DOK6: variants seen among roughly 807,000 people sequenced by gnomAD.
The protein encoded by DOK6 is docking protein 6.
DOK6 carries 22 observed loss-of-function variants against 44.0 expected under a neutral mutation model. The ratio of observed to expected loss-of-function variants is 0.50; its 90% CI spans 0.36 to 0.71. The LOEUF is 0.71. DOK6 is among the 30% of genes least tolerant of loss of function. DOK6 has a pLI of 0.00. For missense variants in DOK6, 340 were observed against 416.4 expected, an observed-to-expected ratio of 0.82 and a Z score of 1.60; for synonymous variants, 166 against 145.5, an observed-to-expected ratio of 1.14 and a Z score of -1.01.
chr18:69,437,279 T>C (rs11663166), intron 1 of DOK6, among the ~76,000 whole-genome samples: 34,454 of 152,202 alleles, frequency 0.23, 4,208 homozygotes, highest in Middle Eastern at 0.39. Flanking sequence ...CTAGGATATT[T>C]ATGGTTTTAG....
At chr18:69,688,559 A>G (rs761293045) in intron 4 of DOK6, among the ~76,000 whole-genome samples, 17 of 152,180 alleles carry the variant, frequency 1.1e-4, no homozygotes, top group Non-Finnish European at 1.9e-4. Flanking sequence ...GTCTCGCTCT[A>G]TTGCCCAGGC....
intron 3 of DOK6, among the ~76,000 whole-genome samples, chr18:69,629,126 C>T (rs575288451): frequency 1.3e-5 from 2 of 152,306 alleles, no homozygotes; most frequent in East Asian, 1.9e-4. Flanking sequence ...TTGAGGATCA[C>T]GGTTGCTGCC....
intron 1 of DOK6, among the ~76,000 whole-genome samples, chr18:69,449,599 T>TG (rs1397683059): frequency 6.6e-6 from 1 of 152,228 alleles, no homozygotes; most frequent in Non-Finnish European, 1.5e-5. Context: ...GCTCCACCTC[T>TG]GGGGGCAGGG....
At chr18:69,542,134 T>C (rs1982285247) in intron 1 of DOK6, among the ~76,000 whole-genome samples, 1 of 151,498 alleles carries the variant, frequency 6.6e-6, no homozygotes, top group Admixed American at 6.6e-5. Flanking sequence ...GCCATGAAAT[T>C]ACAAAAGCAT....
chr18:69,641,263 G>A (rs774150459), intron 3 of DOK6, among the ~76,000 whole-genome samples: 239 of 151,654 alleles, frequency 1.6e-3, no homozygotes, highest in Non-Finnish European at 2.8e-3. Context: ...AAATAAATAT[G>A]AAGTAGTGCT....
At chr18:69,784,234 C>A (rs143975823) in intron 7 of DOK6, among the ~76,000 whole-genome samples, 2 of 151,970 alleles carry the variant, frequency 1.3e-5, no homozygotes, top group African/African-American at 4.8e-5. Context: ...AATATCATTA[C>A]CATCATAACG....
At chr18:69,416,893 A>T (rs986455000) in intron 1 of DOK6, among the ~76,000 whole-genome samples, 1 of 145,656 alleles carries the variant, frequency 6.9e-6, no homozygotes, top group Admixed American at 6.8e-5. Context: ...CTCCTAAACC[A>T]TTTTAGGTTA....
intron 3 of DOK6, among the ~76,000 whole-genome samples, chr18:69,658,969 G>A (rs1985439636): frequency 6.6e-6 from 1 of 152,174 alleles, no homozygotes; most frequent in South Asian, 2.1e-4. Flanking sequence ...TTTTGGTCTA[G>A]TTCCCTTAAG....
chr18:69,415,305 G>A (rs1978324775), intron 1 of DOK6, among the ~76,000 whole-genome samples: 1 of 152,058 alleles, frequency 6.6e-6, no homozygotes, highest in South Asian at 2.1e-4. Context: ...GGTAGCAACT[G>A]TTCAATACTT....
intron 3 of DOK6, among the ~76,000 whole-genome samples, chr18:69,650,268 T>C (rs1568322156): frequency 6.6e-6 from 1 of 152,176 alleles, no homozygotes; most frequent in African/African-American, 2.4e-5. Flanking sequence ...GCTCTGTGGG[T>C]TGAAGACTTT....
intron 1 of DOK6, among the ~76,000 whole-genome samples, chr18:69,455,034 A>C (rs1434006021): frequency 6.7e-6 from 1 of 149,592 alleles, no homozygotes; most frequent in Non-Finnish European, 1.5e-5. Flanking sequence ...CAATGTGCAC[A>C]TGTACCCTAA....
rs562335619 is a variant in DOK6 at position 69,459,818 on chromosome 18, A to C, written c.66+58508A>C. 1.2e-3 allele frequency among the ~76,000 whole-genome samples: 177 copies of C among 152,342 alleles called. 2 individuals carry two copies. The highest frequency in any genetic ancestry group is 1.7e-3 in the Non-Finnish European group (118 of 68,016). ...TGGCTTGAATATGCAGAGTTTAAAA[A>C]AAATACATTTCAGATGATATTTGCT... On this transcript the variant is annotated intron_variant, in intron 1 of 7. Coordinates refer to ENST00000382713, the MANE Select transcript of DOK6 (RefSeq NM_152721.6).
chr18:69,713,025 G>A (rs1007090132), intron 5 of DOK6, among the ~76,000 whole-genome samples: 3 of 152,092 alleles, frequency 2.0e-5, no homozygotes, highest in Admixed American at 6.5e-5. Flanking sequence ...TTAGAAACTC[G>A]GAGATTTTTT....
chr18:69,469,440 C>T (rs997804272), intron 1 of DOK6: 8 of 39,824 alleles, frequency 2.0e-4, no homozygotes, highest in Middle Eastern at 0.015. Flanking sequence ...ATGATAATTA[C>T]GGCTTTTTTT....
At chr18:69,764,524 C>T (rs994003557) in intron 7 of DOK6, among the ~76,000 whole-genome samples, 1 of 152,108 alleles carries the variant, frequency 6.6e-6, no homozygotes, top group African/African-American at 2.4e-5. Flanking sequence ...GCTTTTTCCC[C>T]TTCATGCTCC....
chr18:69,737,602 A>T (rs1397773065), intron 5 of DOK6, among the ~76,000 whole-genome samples: 1 of 152,220 alleles, frequency 6.6e-6, no homozygotes, highest in East Asian at 1.9e-4. Flanking sequence ...GCTTAGGTAC[A>T]AACACTGAAG....
intron 5 of DOK6, among the ~76,000 whole-genome samples, chr18:69,712,866 A>G (rs1986800388): frequency 6.6e-6 from 1 of 152,206 alleles, no homozygotes; most frequent in Non-Finnish European, 1.5e-5. Flanking sequence ...AAAAATGTGC[A>G]TTGGAAGCTC....
chr18:69,519,437 C>T (rs1468774763), intron 1 of DOK6, among the ~76,000 whole-genome samples: 1 of 151,738 alleles, frequency 6.6e-6, no homozygotes, highest in Non-Finnish European at 1.5e-5. Flanking sequence ...TTTTGTTATT[C>T]ACACATACAA....
chr18:69,547,289 CT>C (rs112192687), intron 1 of DOK6, among the ~76,000 whole-genome samples: 6,265 of 151,334 alleles, frequency 0.041, 440 homozygotes, highest in African/African-American at 0.14. Flanking sequence ...TTAGTAGAGA[CT>C]GGGTTTGACC....
Sources: gnomAD v4.1 joint callset for allele counts (sites outside exome capture counted in the v4.1 genomes callset) on GRCh38, gnomAD v4.1.1 for gene constraint, MANE v1.5 for transcripts, NCBI Gene and HGNC (gene_info 2026-07-23, HGNC 2026-07-21) for gene names.